STRIP1: variants seen among roughly 807,000 people sequenced by gnomAD.
STRIP1 encodes striatin-interacting protein 1.
In STRIP1, 63 loss-of-function variants were observed where a neutral mutation model predicts 106.2. That is an observed-to-expected ratio of 0.59 (90% CI 0.48 to 0.73). The LOEUF is 0.73. Among genes scored for constraint, STRIP1 ranks in the 30% least tolerant of loss-of-function variants. The probability of loss-of-function intolerance (pLI) is 0.00; values close to 1 mark genes in which losing one functional copy is unlikely to be tolerated. For synonymous variants in STRIP1, 390 were observed against 413.0 expected, an observed-to-expected ratio of 0.94 and a Z score of 0.67; for missense variants, 857 against 1,074.8, an observed-to-expected ratio of 0.80 and a Z score of 2.83.
At chr1:110,049,658 G>A (rs1458325731) in intron 17 of STRIP1, 98 bp downstream of exon 17, 1 of 812,000 alleles carries the variant, frequency 1.2e-6, no homozygotes, top group Non-Finnish European at 2.1e-6. Flanking sequence ...GCACCTACGA[G>A]CCAGCACTGT....
Position 110,047,524 on chromosome 1 carries a change from T to C in STRIP1, c.1489-18T>C. The C allele has an allele frequency of 1.9e-6, 3 of 1,602,964 alleles. No homozygotes were observed. The highest frequency in any genetic ancestry group is 2.6e-6 in the Non-Finnish European group (3 of 1,172,948). ...ATTCTGGGCTGGGGTTTTATGCTTGTACTCATTATGTTAAAAGGGAGAAGA... is the reference window on the plus strand; with the variant it reads ...ATTCTGGGCTGGGGTTTTATGCTTGCACTCATTATGTTAAAAGGGAGAAGA... On this transcript the variant is annotated intron_variant, in intron 13 of 20. Coordinates refer to ENST00000369795, the MANE Select transcript of STRIP1 (RefSeq NM_033088.4).
chr1:110,047,312 C>G (rs965034860), intron 13 of STRIP1, among the ~76,000 whole-genome samples: 1 of 152,180 alleles, frequency 6.6e-6, no homozygotes, highest in African/African-American at 2.4e-5. Context: ...ATTTCCTTGT[C>G]TGTGAAATAG....
chr1:110,043,541 TC>T, intron 9 of STRIP1, 97 bp from the exon 10 acceptor site: 4 of 1,117,754 alleles, frequency 3.6e-6, no homozygotes, highest in Non-Finnish European at 5.3e-6. Flanking sequence ...TGTTCTTGCC[TC>T]TACTGGACAC....
At chr1:110,044,710 G>T (rs1652932692) in intron 10 of STRIP1, 130 bp from the exon 11 acceptor site, 3 of 857,288 alleles carry the variant, frequency 3.5e-6, no homozygotes, top group East Asian at 5.4e-5. Context: ...TTTTCAAAGA[G>T]AAAAACAATT....
intron 7 of STRIP1, 30 bp downstream of exon 7, chr1:110,041,672 C>T: frequency 1.9e-6 from 3 of 1,614,102 alleles, no homozygotes; most frequent in Non-Finnish European, 2.5e-6. Context: ...CTCTAGAGGC[C>T]CTGCCTGGAA....
intron 17 of STRIP1, 30 bp downstream of exon 17, chr1:110,049,590 G>T: frequency 6.6e-7 from 1 of 1,505,024 alleles, no homozygotes; most frequent in South Asian, 1.1e-5. Flanking sequence ...ATGAAGGGGT[G>T]GATATGGTCA....
In STRIP1 at chr1:110,050,324, G is replaced by A. The variant is rs1216042754; in HGVS notation, c.1890-19G>A. 7 of 1,613,872 alleles carry A rather than the reference G, an allele frequency of 4.3e-6. No homozygotes were observed. The highest frequency in any genetic ancestry group is 5.9e-6 in the Non-Finnish European group (7 of 1,179,864). On this transcript the variant is annotated intron_variant, in intron 17 of 20. Transcript: ENST00000369795. ...GGCCTTTGCTCATGGTGGGCATCTG[G>A]TTCCTCTCCCCTCTGCAGCATTTCT... is the stretch of plus-strand genomic sequence containing the variant.
At chr1:110,038,580 C>A in intron 2 of STRIP1, 103 bp from the exon 3 acceptor site, 1 of 844,438 alleles carries the variant, frequency 1.2e-6, no homozygotes. Context: ...GACTCAGGGG[C>A]AGAGTTGAGA....
chr1:110,049,614 C>A, intron 17 of STRIP1, 54 bp downstream of exon 17: 1 of 1,300,340 alleles, frequency 7.7e-7, no homozygotes, highest in Non-Finnish European at 1.1e-6. Context: ...GGCAGAGTTC[C>A]CAGCTGGTAT....
upstream of STRIP1, among the ~76,000 whole-genome samples, chr1:110,032,208 T>C (rs1310719983): frequency 1.3e-5 from 2 of 152,212 alleles, no homozygotes; most frequent in East Asian, 3.8e-4. Context: ...ACCCTCCCTG[T>C]TCTAAATTTA....
chr1:110,034,569 A>G, upstream of STRIP1: 2 of 1,442,874 alleles, frequency 1.4e-6, no homozygotes, highest in Non-Finnish European at 1.8e-6. Context: ...AATTTCCTGG[A>G]GAAAATCACG....
chr1:110,039,385 T>C lies in STRIP1; in HGVS notation c.461-10T>C. 1.2e-6 allele frequency: 2 copies of C among 1,614,152 alleles called. No homozygotes were observed. Among genetic ancestry groups the C allele is most frequent in the Non-Finnish European group, 1.7e-6 (2 of 1,180,006 alleles). ...GGGAGGGGCTCAGTGAGTTGAACCC[T>C]GCATTGCAGGCACGTTTGGGGAGTG... On this transcript the variant is annotated splice_polypyrimidine_tract_variant and intron_variant, in intron 4 of 20. Transcript: ENST00000369795.
chr1:110,049,353 G>A (rs1434523618), intron 16 of STRIP1, 107 bp from the exon 17 acceptor site: 2 of 1,567,016 alleles, frequency 1.3e-6, no homozygotes, highest in African/African-American at 1.4e-5. Flanking sequence ...CTGCATGAAT[G>A]TTCTAAGACA....
intron 15 of STRIP1, 155 bp downstream of exon 15, chr1:110,048,024 GTT>G (rs1251179231): frequency 1.5e-6 from 1 of 648,330 alleles, no homozygotes; most frequent in East Asian, 2.8e-5. Flanking sequence ...AGATTAAAGA[GTT>G]TCACTGGTTG....
intron 1 of STRIP1, among the ~76,000 whole-genome samples, chr1:110,035,698 G>T (rs1652420168): frequency 6.6e-6 from 1 of 152,150 alleles, no homozygotes; most frequent in South Asian, 2.1e-4. Context: ...CCATCTCCTA[G>T]ATTGATCAGC....
intron 20 of STRIP1, among the ~76,000 whole-genome samples, chr1:110,052,385 C>T (rs887242303): frequency 2.0e-5 from 3 of 152,190 alleles, no homozygotes; most frequent in Non-Finnish European, 4.4e-5. Context: ...CCTTAGCCTC[C>T]TGAGTAGCTG....
intron 2 of STRIP1, 43 bp from the exon 3 acceptor site, chr1:110,038,640 A>G (rs760993000): frequency 5.2e-6 from 8 of 1,552,150 alleles, no homozygotes; most frequent in Admixed American, 3.4e-5. Context: ...CTGGTGTGCA[A>G]TGCAGACATG....
chr1:110,032,000 C>T (rs759614087), upstream of STRIP1, among the ~76,000 whole-genome samples: 1 of 151,488 alleles, frequency 6.6e-6, no homozygotes, highest in Non-Finnish European at 1.5e-5. Flanking sequence ...TCCCAAAGTG[C>T]TGAGATTACA....
chr1:110,053,243 A>G (rs1349871699), intron 20 of STRIP1, among the ~76,000 whole-genome samples: 1 of 152,202 alleles, frequency 6.6e-6, no homozygotes, highest in Non-Finnish European at 1.5e-5. Flanking sequence ...ATATACCACC[A>G]TGGCTGAATG....
Sources: allele counts gnomAD v4.1 joint callset (sites outside exome capture counted in the v4.1 genomes callset), GRCh38; gene constraint gnomAD v4.1.1; transcripts MANE v1.5; gene names NCBI Gene and HGNC (gene_info 2026-07-23, HGNC 2026-07-21).